DPF3: variants seen among roughly 807,000 people sequenced by gnomAD.
The protein encoded by DPF3 is double PHD fingers 3.
Under a neutral mutation model 56.8 loss-of-function variants are expected in DPF3, and 18 were observed. The observed-to-expected ratio is 0.32, with a 90% CI of 0.22 to 0.47. The LOEUF (loss-of-function observed/expected upper bound fraction) is 0.47, where lower values mean the gene tolerates loss of function less well. Among genes scored for constraint, DPF3 ranks in the 20% least tolerant of loss-of-function variants. The pLI, the probability that DPF3 is intolerant of heterozygous loss-of-function variation, is 1.00. For missense variants in DPF3, 403 were observed against 488.8 expected, an observed-to-expected ratio of 0.82 and a Z score of 1.65; for synonymous variants, 188 against 180.2, an observed-to-expected ratio of 1.04 and a Z score of -0.35.
intron 8 of DPF3, among the ~76,000 whole-genome samples, chr14:72,666,169 G>A (rs945455366): frequency 1.3e-5 from 2 of 152,008 alleles, no homozygotes; most frequent in African/African-American, 4.8e-5. Flanking sequence ...TTGTGACCAG[G>A]GCCCAAAATG....
At chr14:72,724,966 A>T (rs112202145) in intron 4 of DPF3, among the ~76,000 whole-genome samples, 1,610 of 152,114 alleles carry the variant, frequency 0.011, 25 homozygotes, top group African/African-American at 0.037. Context: ...CCAGCCTCCC[A>T]AAGTGCTAGG....
intron 1 of DPF3, among the ~76,000 whole-genome samples, chr14:72,861,633 A>G (rs757305593): frequency 5.9e-5 from 9 of 152,078 alleles, no homozygotes; most frequent in South Asian, 4.1e-4. Flanking sequence ...CAAAGACTAC[A>G]TTTGGTGCAC....
intron 2 of DPF3, among the ~76,000 whole-genome samples, chr14:72,758,391 T>A (rs1359939522): frequency 6.6e-6 from 1 of 152,042 alleles, no homozygotes; most frequent in Non-Finnish European, 1.5e-5. Context: ...GGAATACAGG[T>A]GGAGACCTGC....
intron 7 of DPF3, among the ~76,000 whole-genome samples, chr14:72,677,933 G>T (rs912393813): frequency 6.6e-6 from 1 of 151,702 alleles, no homozygotes; most frequent in African/African-American, 2.4e-5. Flanking sequence ...AGGATACCTG[G>T]TCATGCCTAT....
At chr14:72,819,619 G>A (rs534356661) in intron 1 of DPF3, among the ~76,000 whole-genome samples, 32 of 152,092 alleles carry the variant, frequency 2.1e-4, no homozygotes, top group African/African-American at 5.5e-4. Flanking sequence ...TTAAAAGGCC[G>A]AGTGAAATAA....
At chr14:72,767,684 C>T (rs549517391) in intron 2 of DPF3, among the ~76,000 whole-genome samples, 62 of 138,886 alleles carry the variant, frequency 4.5e-4, no homozygotes, top group African/African-American at 1.5e-3. Flanking sequence ...TGTTGAAGTC[C>T]GAGAAGGAGA....
intron 1 of DPF3, among the ~76,000 whole-genome samples, chr14:72,873,924 G>A (rs537891243): frequency 7.5e-4 from 114 of 151,730 alleles, no homozygotes; most frequent in Non-Finnish European, 1.5e-3. Flanking sequence ...GGCCTGTTGT[G>A]GGGTGGGGGG....
chr14:72,679,819 G>C (rs1238282388), intron 7 of DPF3, among the ~76,000 whole-genome samples: 1 of 152,260 alleles, frequency 6.6e-6, no homozygotes, highest in African/African-American at 2.4e-5. Context: ...GGAAAGGAGG[G>C]AAAGCAGACA....
chr14:72,748,209 C>T (rs1463676958), intron 3 of DPF3, among the ~76,000 whole-genome samples: 2 of 152,126 alleles, frequency 1.3e-5, no homozygotes, highest in African/African-American at 4.8e-5. Context: ...TTAGGGTGGT[C>T]CCAGATGGAG....
rs571769822 is a variant in DPF3 at position 72,701,177 on chromosome 14, C to T, written c.605-7964G>A. Among the ~76,000 whole-genome samples the T allele has an allele frequency of 9.2e-5, 14 of 152,308 alleles. No individual in the cohort carries two copies. In the East Asian group the frequency reaches 1.2e-3, roughly 13 times the overall value. On this transcript the variant is annotated intron_variant, in intron 6 of 10. Transcript: ENST00000556509. ...TCCAGTCTCCTTCCCCGGGGGCAAG[C>T]GCTTTTGCACCATGCACCTCTGAAG...
chr14:72,849,228 G>A (rs961940037), intron 1 of DPF3, among the ~76,000 whole-genome samples: 2 of 152,208 alleles, frequency 1.3e-5, no homozygotes, highest in African/African-American at 2.4e-5. Context: ...ACCACGTTTT[G>A]TGCTTATCTC....
At chr14:72,641,238 CT>C (rs1885555693) in intron 8 of DPF3, among the ~76,000 whole-genome samples, 1 of 152,202 alleles carries the variant, frequency 6.6e-6, no homozygotes, top group Admixed American at 6.5e-5. Context: ...GAGAGAAGAA[CT>C]CATACACAGA....
At chr14:72,804,400 T>C (rs2140006489) in intron 1 of DPF3, among the ~76,000 whole-genome samples, 1 of 152,322 alleles carries the variant, frequency 6.6e-6, no homozygotes, top group African/African-American at 2.4e-5. Context: ...ACTGGAATAC[T>C]GGATACCACC....
chr14:72,840,185 C>T (rs1884487695), intron 1 of DPF3, among the ~76,000 whole-genome samples: 1 of 152,208 alleles, frequency 6.6e-6, no homozygotes, highest in Non-Finnish European at 1.5e-5. Context: ...ATGGCCTTCA[C>T]TTGTAACACA....
intron 5 of DPF3, 91 bp from the exon 6 acceptor site, chr14:72,714,592 C>T (rs1888824207): frequency 6.8e-7 from 1 of 1,466,330 alleles, no homozygotes; most frequent in South Asian, 1.2e-5. Flanking sequence ...ACACCGTCTT[C>T]ATCCCAACTT....
At chr14:72,668,203 C>T (rs549479101) in intron 8 of DPF3, among the ~76,000 whole-genome samples, 3 of 152,308 alleles carry the variant, frequency 2.0e-5, no homozygotes, top group Admixed American at 6.5e-5. Context: ...CCTTCTCTCT[C>T]GGAGCTTCCT....
At chr14:72,773,760 T>C (rs1186125870) in intron 1 of DPF3, 1 of 448,948 alleles carries the variant, frequency 2.2e-6, no homozygotes, top group Admixed American at 2.4e-5. Context: ...TAGCATAATA[T>C]CCTCAGGGTT....
intron 1 of DPF3, among the ~76,000 whole-genome samples, chr14:72,808,737 C>T (rs11620775): frequency 0.2 from 29,795 of 152,078 alleles, 3,356 homozygotes; most frequent in East Asian, 0.38. Flanking sequence ...AGCAGGGAAC[C>T]GGAAAGAGAG....
At chr14:72,771,166 CAA>C (rs57784890) in intron 2 of DPF3, among the ~76,000 whole-genome samples, 46 of 142,274 alleles carry the variant, frequency 3.2e-4, no homozygotes, top group East Asian at 6.0e-4. Context: ...GAGTCCATCT[CAA>C]AAAAAAAAAA....
Sources: gnomAD v4.1 joint callset for allele counts (sites outside exome capture counted in the v4.1 genomes callset) on GRCh38, gnomAD v4.1.1 for gene constraint, MANE v1.5 for transcripts, NCBI Gene and HGNC (gene_info 2026-07-23, HGNC 2026-07-21) for gene names.